Variants in RIMS1 observed in about 807,000 individuals in gnomAD.
The protein encoded by RIMS1 is regulating synaptic membrane exocytosis protein 1.
In RIMS1, 83 loss-of-function variants were observed where a neutral mutation model predicts 214.1. That is an observed-to-expected ratio of 0.39 (90% CI 0.32 to 0.47). The LOEUF is 0.47. Ranked by LOEUF, RIMS1 falls within the 20% of genes least tolerant of loss-of-function variation. The pLI, the probability that RIMS1 is intolerant of heterozygous loss-of-function variation, is 0.99. For missense variants in RIMS1, 2,050 were observed against 2,161.8 expected (o/e 0.95, Z 1.03); for synonymous variants, 793 against 786.8 (o/e 1.01, Z -0.13).
At chr6:72,050,669 T>C (rs958381779) in intron 2 of RIMS1, among the ~76,000 whole-genome samples, 1 of 152,124 alleles carries the variant, frequency 6.6e-6, no homozygotes, top group Non-Finnish European at 1.5e-5. Flanking sequence ...TCCTGTGGCA[T>C]CCAGGGTGTG....
intron 29 of RIMS1, among the ~76,000 whole-genome samples, chr6:72,356,055 T>G (rs1656105658): frequency 6.6e-6 from 1 of 152,216 alleles, no homozygotes; most frequent in Admixed American, 6.5e-5. Context: ...GTCTACTATA[T>G]TAAGCTTTCC....
At chr6:72,257,442 G>C (rs2076351683) in intron 16 of RIMS1, among the ~76,000 whole-genome samples, 1 of 151,918 alleles carries the variant, frequency 6.6e-6, no homozygotes, top group African/African-American at 2.4e-5. Context: ...AATAATTATG[G>C]AGTAGTTTCA....
At chr6:72,160,031 G>T (rs2045109649) in intron 4 of RIMS1, among the ~76,000 whole-genome samples, 1 of 130,832 alleles carries the variant, frequency 7.6e-6, no homozygotes, top group Non-Finnish European at 1.7e-5. Flanking sequence ...AGCATGGAAT[G>T]TTCTTCCATT....
chr6:72,094,346 G>A (rs2030462692), intron 2 of RIMS1, among the ~76,000 whole-genome samples: 1 of 152,052 alleles, frequency 6.6e-6, no homozygotes, highest in Non-Finnish European at 1.5e-5. Context: ...AATGCTATGA[G>A]ATTGCAATAG....
intron 2 of RIMS1, among the ~76,000 whole-genome samples, chr6:72,028,280 A>T (rs1457656755): frequency 6.6e-6 from 1 of 152,206 alleles, no homozygotes; most frequent in Non-Finnish European, 1.5e-5. Context: ...ATCTCATAAG[A>T]AATAAATATT....
intron 22 of RIMS1, among the ~76,000 whole-genome samples, chr6:72,268,515 C>T (rs1435563735): frequency 2.0e-5 from 3 of 152,102 alleles, no homozygotes; most frequent in Non-Finnish European, 2.9e-5. Flanking sequence ...TAACCTTTAA[C>T]ACAAGTTTTC....
rs1311312156 is a variant in RIMS1, at chr6:71,894,398, A to T, written c.164+7211A>T. Among the ~76,000 whole-genome samples, 4 of 152,146 alleles carry T rather than the reference A, an allele frequency of 2.6e-5. No homozygotes were observed. The East Asian group carries it at 7.7e-4, about 29-fold the overall frequency. On this transcript the variant is annotated intron_variant, in intron 1 of 33. Coordinates refer to ENST00000521978, the MANE Select transcript of RIMS1 (RefSeq NM_014989.7). ...GAGGCAGAGGCTGCAATGAGCTGAG[A>T]TCCTGCCACTGCAGTCCAGCCTGGG...
intron 4 of RIMS1, among the ~76,000 whole-genome samples, chr6:72,148,186 CAATT>C (rs1236760101): frequency 1.3e-5 from 2 of 151,742 alleles, no homozygotes; most frequent in Non-Finnish European, 2.9e-5. Flanking sequence ...TACAGGGACA[CAATT>C]AACCATCTGG....
At chr6:72,142,281 C>A (rs1229375196) in intron 4 of RIMS1, among the ~76,000 whole-genome samples, 1 of 151,896 alleles carries the variant, frequency 6.6e-6, no homozygotes, top group African/African-American at 2.4e-5. Flanking sequence ...TGCCTAACTC[C>A]AAAGATGGTG....
At chr6:71,932,450 A>G (rs1783329676) in intron 1 of RIMS1, among the ~76,000 whole-genome samples, 1 of 152,056 alleles carries the variant, frequency 6.6e-6, no homozygotes, top group Non-Finnish European at 1.5e-5. Context: ...CATAGAGGGG[A>G]ACAACACACA....
chr6:71,890,660 A>T (rs1358150723), intron 1 of RIMS1, among the ~76,000 whole-genome samples: 3 of 150,816 alleles, frequency 2.0e-5, no homozygotes, highest in Admixed American at 6.6e-5. Context: ...AGTTAAGGCG[A>T]TGGTTTGAGG....
chr6:72,182,646 A>T lies in RIMS1; in HGVS notation c.1175A>T (p.Asp392Val), dbSNP rs1203285398. 3 of 1,531,478 alleles carry T rather than the reference A, an allele frequency of 2.0e-6. No individual in the cohort carries two copies. Among genetic ancestry groups the T allele is most frequent in the South Asian group, 2.4e-5 (2 of 81,992 alleles). The allele number at this position is 1,531,478 out of a possible 1,614,324, so 94.9% of individuals were successfully genotyped here. ...GCCAGGCACGAGCGGCGCCACAGCG[A>T]CGTGGCGCTCCCGCGCACCGAGGCG... The part of the protein sequence containing the change: ...SRARHERRHS[D>V]VALPRTEAGA... The change falls in exon 6 of 34, where the codon GAC (aspartate) becomes GTC (valine). Residue 392 changes from aspartate to valine, a missense_variant. Asp to Val is a radical substitution (Grantham distance 152). Around this residue, in one of 6 missense-constraint regions of RIMS1, gnomAD observed 882 missense variants for 828.9 expected, o/e 1.06. Transcript: ENST00000521978.
chr6:72,325,557 A>C (rs1321215262), intron 28 of RIMS1, among the ~76,000 whole-genome samples: 1 of 151,596 alleles, frequency 6.6e-6, no homozygotes, highest in Non-Finnish European at 1.5e-5. Context: ...AGCAACAAAC[A>C]AACCTTAGGA....
chr6:71,972,408 GAA>G (rs996784612), intron 2 of RIMS1, among the ~76,000 whole-genome samples: 1 of 152,090 alleles, frequency 6.6e-6, no homozygotes, highest in African/African-American at 2.4e-5. Context: ...TAGGGAAAAA[GAA>G]AAAGAGTAGT....
At chr6:72,176,357 A>G (rs1460873580) in intron 4 of RIMS1, among the ~76,000 whole-genome samples, 2 of 152,218 alleles carry the variant, frequency 1.3e-5, no homozygotes, top group African/African-American at 4.8e-5. Context: ...TCAGGCAAAT[A>G]TAATACTTAA....
At chr6:72,379,703 C>T (rs1051422519) in intron 29 of RIMS1, among the ~76,000 whole-genome samples, 6 of 152,184 alleles carry the variant, frequency 3.9e-5, no homozygotes, top group African/African-American at 1.4e-4. Context: ...TCGTTTAATA[C>T]TCAACCCTAT....
chr6:72,215,426 A>G (rs2055461691), intron 6 of RIMS1, among the ~76,000 whole-genome samples: 1 of 152,248 alleles, frequency 6.6e-6, no homozygotes, highest in Non-Finnish European at 1.5e-5. Flanking sequence ...TGGTGTAGTG[A>G]AAAGCTCATA....
chr6:72,142,295 C>T (rs1433421155), intron 4 of RIMS1, among the ~76,000 whole-genome samples: 1 of 151,146 alleles, frequency 6.6e-6, no homozygotes, highest in African/African-American at 2.5e-5. Context: ...GATGGTGATT[C>T]CCCCCCTACA....
At chr6:72,284,885 G>A (rs2091745936) in intron 24 of RIMS1, among the ~76,000 whole-genome samples, 1 of 152,162 alleles carries the variant, frequency 6.6e-6, no homozygotes, top group Non-Finnish European at 1.5e-5. Flanking sequence ...GTGCAGTAAG[G>A]ATGAAATTAG....
Sources: allele counts gnomAD v4.1 joint callset (sites outside exome capture counted in the v4.1 genomes callset), GRCh38; gene constraint gnomAD v4.1.1; regional missense constraint gnomAD v4.1.1; transcripts MANE v1.5; gene names NCBI Gene and HGNC (gene_info 2026-07-23, HGNC 2026-07-21).